Variants in GRIK2 observed in about 807,000 individuals in gnomAD.
The protein encoded by GRIK2 is glutamate receptor ionotropic, kainate 2.
A neutral mutation model predicts 100.3 loss-of-function variants in GRIK2; 32 were observed. That is an observed-to-expected ratio of 0.32 (90% CI 0.24 to 0.43). The LOEUF is 0.43. Ranked by LOEUF, GRIK2 falls within the 20% of genes least tolerant of loss-of-function variation. The pLI, the probability that GRIK2 is intolerant of heterozygous loss-of-function variation, is 1.00. For missense variants in GRIK2, 843 were observed against 1,114.9 expected, an observed-to-expected ratio of 0.76 and a Z score of 3.47; for synonymous variants, 417 against 389.4, an observed-to-expected ratio of 1.07 and a Z score of -0.83.
At chr6:101,703,840 A>T (rs901183890) in intron 7 of GRIK2, among the ~76,000 whole-genome samples, 2 of 151,748 alleles carry the variant, frequency 1.3e-5, no homozygotes, top group Non-Finnish European at 2.9e-5. Flanking sequence ...TTATAAAAAA[A>T]AAAAGAAGAC....
At chr6:101,563,962 A>G (rs541851974) in intron 2 of GRIK2, among the ~76,000 whole-genome samples, 7 of 152,200 alleles carry the variant, frequency 4.6e-5, no homozygotes, top group African/African-American at 1.4e-4. Context: ...GTAATATTCA[A>G]TATTTCTATT....
In GRIK2 at chr6:101,723,847, A is replaced by T. The variant is rs765429179; in HGVS notation, c.951+37494A>T. 2.6e-5 allele frequency among the ~76,000 whole-genome samples: 4 copies of T among 152,042 alleles called. No homozygotes were observed. The East Asian group carries it at 7.8e-4, about 29-fold the overall frequency. ...TCTAACTGATTGTCATGTCTTATGGAGGAAATTCTCAAAGATAATGTTAAC... is the reference window on the plus strand; with the variant it reads ...TCTAACTGATTGTCATGTCTTATGGTGGAAATTCTCAAAGATAATGTTAAC... On this transcript the variant is annotated intron_variant, in intron 7 of 16. Coordinates refer to ENST00000369134, the MANE Select transcript of GRIK2 (RefSeq NM_021956.5).
intron 14 of GRIK2, among the ~76,000 whole-genome samples, chr6:101,935,996 T>A (rs1453618027): frequency 6.6e-6 from 1 of 152,116 alleles, no homozygotes; most frequent in Non-Finnish European, 1.5e-5. Flanking sequence ...TAGCTATGGC[T>A]GTTTAGGACA....
At chr6:101,723,637 CT>C (rs1774646616) in intron 7 of GRIK2, among the ~76,000 whole-genome samples, 1 of 151,984 alleles carries the variant, frequency 6.6e-6, no homozygotes, top group Non-Finnish European at 1.5e-5. Flanking sequence ...TTAATCCCTT[CT>C]TTTCACAGCT....
At chr6:101,802,083 C>T (rs1780707130) in intron 8 of GRIK2, among the ~76,000 whole-genome samples, 1 of 151,626 alleles carries the variant, frequency 6.6e-6, no homozygotes, top group Admixed American at 6.6e-5. Context: ...ACAATGTCTC[C>T]TAGACAGAAA....
chr6:101,761,198 C>A (rs1217953634), intron 7 of GRIK2, among the ~76,000 whole-genome samples: 2 of 152,044 alleles, frequency 1.3e-5, no homozygotes, highest in Non-Finnish European at 1.5e-5. Context: ...GTCTCTAGGG[C>A]CACTATCTTT....
At chr6:101,771,689 C>T (rs553639919) in intron 7 of GRIK2, among the ~76,000 whole-genome samples, 3 of 118,870 alleles carry the variant, frequency 2.5e-5, no homozygotes, top group Non-Finnish European at 3.4e-5. Flanking sequence ...CCCCTCCCCC[C>T]ACCCCACAAC....
chr6:101,812,736 T>C (rs1781410765), intron 9 of GRIK2, among the ~76,000 whole-genome samples: 2 of 151,996 alleles, frequency 1.3e-5, no homozygotes, highest in South Asian at 2.1e-4. Flanking sequence ...TTGCTGTGTA[T>C]GGAAGCGTAA....
intron 2 of GRIK2, among the ~76,000 whole-genome samples, chr6:101,521,712 A>C (rs2128281629): frequency 6.6e-6 from 1 of 152,028 alleles, no homozygotes; most frequent in Non-Finnish European, 1.5e-5. Context: ...TAGTTTTCTT[A>C]ATAGTAAATT....
intron 2 of GRIK2, among the ~76,000 whole-genome samples, chr6:101,504,326 C>T (rs1339524872): frequency 1.3e-5 from 2 of 151,930 alleles, no homozygotes; most frequent in African/African-American, 4.8e-5. Context: ...AACTACATTT[C>T]TATATTTTTT....
chr6:101,502,234 T>C, intron 2 of GRIK2, among the ~76,000 whole-genome samples: 1 of 152,302 alleles, frequency 6.6e-6, no homozygotes, highest in South Asian at 2.1e-4. Flanking sequence ...TACCACCTAA[T>C]ACATATTGAA....
intron 2 of GRIK2, among the ~76,000 whole-genome samples, chr6:101,494,991 A>ATATATATATATATT (rs1272348684): frequency 6.9e-6 from 1 of 145,796 alleles, no homozygotes; most frequent in Admixed American, 6.9e-5. Context: ...ATATATATAT[A>ATATATATATATATT]TATATATATG....
chr6:101,835,313 C>T (rs1000528334), intron 10 of GRIK2, among the ~76,000 whole-genome samples: 3 of 151,918 alleles, frequency 2.0e-5, no homozygotes, highest in African/African-American at 7.3e-5. Flanking sequence ...TGTTTTTATA[C>T]GTTGATTTTT....
intron 14 of GRIK2, among the ~76,000 whole-genome samples, chr6:102,022,517 G>A (rs542543318): frequency 4.4e-4 from 67 of 151,564 alleles, no homozygotes; most frequent in Middle Eastern, 6.8e-3. Flanking sequence ...GCAGAGTGAC[G>A]GCATGTCTCT....
At chr6:101,762,371 C>T (rs1777781288) in intron 7 of GRIK2, among the ~76,000 whole-genome samples, 1 of 151,732 alleles carries the variant, frequency 6.6e-6, no homozygotes, top group African/African-American at 2.4e-5. Context: ...TTTTTAAAGA[C>T]AGGGTCTTGC....
At chr6:101,707,751 A>G (rs1773439804) in intron 7 of GRIK2, among the ~76,000 whole-genome samples, 1 of 151,376 alleles carries the variant, frequency 6.6e-6, no homozygotes, top group African/African-American at 2.4e-5. Flanking sequence ...ATAGATCATA[A>G]TTTAGCATTT....
intron 7 of GRIK2, among the ~76,000 whole-genome samples, chr6:101,744,342 G>C (rs1373609327): frequency 6.6e-6 from 1 of 151,468 alleles, no homozygotes; most frequent in Non-Finnish European, 1.5e-5. Context: ...TCATAGCTTA[G>C]CTCTCACATA....
intron 14 of GRIK2, among the ~76,000 whole-genome samples, chr6:101,943,776 GT>G (rs1280282709): frequency 2.6e-5 from 4 of 152,176 alleles, no homozygotes; most frequent in African/African-American, 9.6e-5. Context: ...TAACTAACTT[GT>G]TTTTGATTTT....
intron 12 of GRIK2, among the ~76,000 whole-genome samples, chr6:101,915,990 T>G (rs1789079869): frequency 6.6e-6 from 1 of 151,446 alleles, no homozygotes; most frequent in South Asian, 2.1e-4. Context: ...TTCATGGATT[T>G]AAAGAGATAA....
Sources: allele counts gnomAD v4.1 joint callset (sites outside exome capture counted in the v4.1 genomes callset), GRCh38; gene constraint gnomAD v4.1.1; transcripts MANE v1.5; gene names NCBI Gene and HGNC (gene_info 2026-07-23, HGNC 2026-07-21).